ATP11B: variants seen among roughly 807,000 people sequenced by gnomAD.
ATP11B encodes the protein ATPase phospholipid transporting 11B (putative).
Under a neutral mutation model 157.8 loss-of-function variants are expected in ATP11B, and 81 were observed. The observed-to-expected ratio is 0.51, with a 90% CI of 0.43 to 0.62. The LOEUF is 0.62. Ranked by LOEUF, ATP11B falls within the 20% of genes least tolerant of loss-of-function variation. ATP11B has a pLI of 0.00. For synonymous variants in ATP11B, 451 were observed against 469.4 expected (o/e 0.96, Z 0.51); for missense variants, 1,165 against 1,402.2 (o/e 0.83, Z 2.70).
rs1019712203 is a variant in ATP11B at position 182,852,374 on chromosome 3, G to A, written c.851+3817G>A. On this transcript the variant is annotated intron_variant, in intron 10 of 29. Coordinates refer to ENST00000323116, the MANE Select transcript of ATP11B (RefSeq NM_014616.3). ...TAAGAGAAAAAAACTAAAAAATTACGAATGTCAGGGATGAAAGAGGGGATA... is the reference window on the plus strand; with the variant it reads ...TAAGAGAAAAAAACTAAAAAATTACAAATGTCAGGGATGAAAGAGGGGATA... 5.3e-5 allele frequency among the ~76,000 whole-genome samples: 8 copies of A among 152,274 alleles called. 1 individual carries two copies. The highest frequency in any genetic ancestry group is 1.3e-4 in the Admixed American group (2 of 15,290).
intron 10 of ATP11B, among the ~76,000 whole-genome samples, chr3:182,856,877 C>T (rs191597831): frequency 1.3e-5 from 2 of 152,186 alleles, no homozygotes; most frequent in African/African-American, 4.8e-5. Flanking sequence ...TCACATTTTC[C>T]CTCAATATTT....
chr3:182,828,275 A>G, intron 3 of ATP11B, 66 bp downstream of exon 3: 1 of 771,502 alleles, frequency 1.3e-6, no homozygotes, highest in Non-Finnish European at 2.0e-6. Context: ...TGGAACAAAG[A>G]AAAATTACAT....
rs768777857 is a variant in ATP11B, at chr3:182,820,428, C to T, written c.144+52C>T. The T allele has an allele frequency of 1.5e-5, 19 of 1,239,974 alleles. No homozygotes were observed. The Admixed American group carries it at 3.2e-4, about 21-fold the overall frequency. The allele number at this position is 1,239,974 out of a possible 1,614,324, so 76.8% of individuals were successfully genotyped here. On this transcript the variant is annotated intron_variant, in intron 2 of 29. Coordinates refer to ENST00000323116, the MANE Select transcript of ATP11B (RefSeq NM_014616.3). ...GCCAGGTGCAGTGGCTCATACCCAT[C>T]ATCCCAGCACTTTGGGAGGCCAAGG...
intron 29 of ATP11B, 71 bp downstream of exon 29, chr3:182,914,065 C>G (rs754538471): frequency 6.3e-7 from 1 of 1,579,820 alleles, no homozygotes; most frequent in Non-Finnish European, 8.6e-7. Flanking sequence ...ACCTGCCGCT[C>G]TAGATACCTA....
chr3:182,816,077 C>T (rs77704078), intron 1 of ATP11B, among the ~76,000 whole-genome samples: 1,762 of 152,110 alleles, frequency 0.012, 35 homozygotes, highest in African/African-American at 0.04. Flanking sequence ...GAGACTTTTT[C>T]CCCTTTAAAT....
At chr3:182,849,852 A>G (rs1299997530) in intron 10 of ATP11B, among the ~76,000 whole-genome samples, 2 of 152,162 alleles carry the variant, frequency 1.3e-5, no homozygotes, top group South Asian at 2.1e-4. Flanking sequence ...ATGACTGAAA[A>G]TTTCTAAAAT....
At chr3:182,795,932 A>C (rs1335685327) in intron 1 of ATP11B, among the ~76,000 whole-genome samples, 1 of 152,224 alleles carries the variant, frequency 6.6e-6, no homozygotes, top group African/African-American at 2.4e-5. Flanking sequence ...AATTTGGGGA[A>C]ATTGACAAGC....
chr3:182,913,254 A>G (rs1724916335), intron 28 of ATP11B, among the ~76,000 whole-genome samples: 1 of 152,234 alleles, frequency 6.6e-6, no homozygotes, highest in Non-Finnish European at 1.5e-5. Context: ...TTTATGATAA[A>G]TGATGCTTTT....
Position 182,902,097 on chromosome 3 carries a change from C to T in ATP11B, c.3318+3325C>T, listed in dbSNP as rs73177354. Among the ~76,000 whole-genome samples, 367 of 152,124 alleles carry T rather than the reference C, an allele frequency of 2.4e-3. 2 individuals carry two copies. Among genetic ancestry groups the T allele is most frequent in the Non-Finnish European group, 2.4e-3 (160 of 67,994 alleles). ...TGAAATCCTGTATGTAACATTATTC[C>T]TTTGCTACAGGCAGTAGTCGTTATT... On this transcript the variant is annotated intron_variant, in intron 28 of 29. Coordinates refer to ENST00000323116, the MANE Select transcript of ATP11B (RefSeq NM_014616.3).
At chr3:182,916,442 A>C (rs1725146119) in intron 29 of ATP11B, 1 of 985,212 alleles carries the variant, frequency 1.0e-6, no homozygotes, top group Non-Finnish European at 1.2e-6. Context: ...CAAAAATTTG[A>C]CTTACATTTT....
chr3:182,852,856 TG>T (rs1228465113), intron 10 of ATP11B, among the ~76,000 whole-genome samples: 1 of 152,176 alleles, frequency 6.6e-6, no homozygotes, highest in African/African-American at 2.4e-5. Flanking sequence ...TTCATCGAAA[TG>T]TAAGACTTAA....
intron 25 of ATP11B, among the ~76,000 whole-genome samples, chr3:182,893,919 A>G (rs1723343569): frequency 6.6e-6 from 1 of 152,082 alleles, no homozygotes. Flanking sequence ...TGGTTTTGAT[A>G]TGGATTTCCC....
intron 9 of ATP11B, 127 bp from the exon 10 acceptor site, chr3:182,848,349 A>G (rs1719701240): frequency 2.0e-6 from 1 of 500,896 alleles, no homozygotes; most frequent in South Asian, 8.9e-5. Context: ...GAAAATACTT[A>G]AAGAAAAGCA....
chr3:182,912,416 G>C (rs1463654702), intron 28 of ATP11B, among the ~76,000 whole-genome samples: 2 of 151,258 alleles, frequency 1.3e-5, no homozygotes, highest in African/African-American at 2.4e-5. Flanking sequence ...TGTTAAATTA[G>C]TGTTTCCCAA....
chr3:182,919,548 A>G lies in ATP11B; in HGVS notation c.*1444A>G, dbSNP rs1191866448. ...AACTATTACCCAGCTCTAAGCAAAT[A>G]ATGATTGTATACATATTAAGATAAT... On this transcript the variant is annotated 3_prime_UTR_variant, in exon 30 of 30. Coordinates refer to ENST00000323116, the MANE Select transcript of ATP11B (RefSeq NM_014616.3). The G allele has an allele frequency of 1.3e-5, 2 of 152,474 alleles. No homozygotes were observed. The highest frequency in any genetic ancestry group is 3.8e-4 in the East Asian group (2 of 5,202). 9.4% of individuals were successfully genotyped at this position (152,474 alleles called of 1,614,324 possible).
At chr3:182,852,717 G>A (rs1720075950) in intron 10 of ATP11B, among the ~76,000 whole-genome samples, 1 of 152,198 alleles carries the variant, frequency 6.6e-6, no homozygotes. Context: ...CTGACTCAAA[G>A]TGTAAGATCT....
intron 29 of ATP11B, chr3:182,915,354 C>T (rs913256276): frequency 4.0e-5 from 39 of 985,234 alleles, no homozygotes; most frequent in Non-Finnish European, 4.5e-5. Flanking sequence ...TTTCATTCCA[C>T]GTAGAAGGAT....
chr3:182,807,427 A>T (rs578203534), intron 1 of ATP11B, among the ~76,000 whole-genome samples: 12 of 152,356 alleles, frequency 7.9e-5, no homozygotes, highest in Admixed American at 7.8e-4. Flanking sequence ...GGCCTGGCTT[A>T]TATCTTAATG....
intron 1 of ATP11B, among the ~76,000 whole-genome samples, chr3:182,810,392 A>G (rs1046226049): frequency 6.6e-6 from 1 of 152,110 alleles, no homozygotes; most frequent in African/African-American, 2.4e-5. Flanking sequence ...CTAAGTAATC[A>G]TTTCTCTGCT....
Sources: gnomAD v4.1 joint callset for allele counts (sites outside exome capture counted in the v4.1 genomes callset) on GRCh38, gnomAD v4.1.1 for gene constraint, MANE v1.5 for transcripts, NCBI Gene and HGNC (gene_info 2026-07-23, HGNC 2026-07-21) for gene names.